Variants in DIS3L2 observed in about 807,000 individuals in gnomAD.
DIS3L2 encodes DIS3-like exonuclease 2.
DIS3L2 carries 34 observed loss-of-function variants against 97.5 expected under a neutral mutation model. The ratio of observed to expected loss-of-function variants is 0.35; its 90% CI spans 0.27 to 0.46. The LOEUF (loss-of-function observed/expected upper bound fraction) is 0.46, where lower values mean the gene tolerates loss of function less well. Ranked by LOEUF, DIS3L2 falls within the 20% of genes least tolerant of loss-of-function variation. The pLI, the probability that DIS3L2 is intolerant of heterozygous loss-of-function variation, is 1.00. For missense variants in DIS3L2, 1,038 were observed against 1,146.0 expected, an observed-to-expected ratio of 0.91 and a Z score of 1.36; for synonymous variants, 435 against 445.2, an observed-to-expected ratio of 0.98 and a Z score of 0.29.
chr2:232,035,275 T>A (rs1162188607), intron 5 of DIS3L2, among the ~76,000 whole-genome samples: 1 of 152,252 alleles, frequency 6.6e-6, no homozygotes, highest in African/African-American at 2.4e-5. Context: ...TCTTTTTTGA[T>A]CTTTGTTGGT....
At chr2:231,985,403 A>G (rs761153274) in intron 1 of DIS3L2, among the ~76,000 whole-genome samples, 7 of 152,226 alleles carry the variant, frequency 4.6e-5, no homozygotes, top group Non-Finnish European at 7.3e-5. Flanking sequence ...TGGTGCATGT[A>G]TCAATAGTTT....
intron 16 of DIS3L2, among the ~76,000 whole-genome samples, chr2:232,333,103 T>G (rs1191796722): frequency 6.6e-6 from 1 of 151,292 alleles, no homozygotes; most frequent in Non-Finnish European, 1.5e-5. Context: ...CTCCTCTTCC[T>G]CCTCCTCATT....
chr2:232,341,001 A>G, downstream of DIS3L2: 1 of 461,008 alleles, frequency 2.2e-6, no homozygotes, highest in South Asian at 1.6e-5. Context: ...TCGTGAAACG[A>G]GAGGAGGTTG....
At chr2:232,145,904 T>TC (rs1047676110) in intron 8 of DIS3L2, among the ~76,000 whole-genome samples, 8 of 151,938 alleles carry the variant, frequency 5.3e-5, no homozygotes, top group Non-Finnish European at 1.0e-4. Context: ...TTATGGATGA[T>TC]CCCCCCCATC....
rs1373238273 is a variant in DIS3L2, at chr2:232,089,091, A to AT, written c.601+1371dup. On this transcript the variant is annotated intron_variant, in intron 6 of 20. Transcript: ENST00000325385. ...CCCCAGCGTAAAGAAAGCCGAAGGT[A>AT]TCTTCAGGACATGACTGGAGAAGGA... Among the ~76,000 whole-genome samples the AT allele has an allele frequency of 1.2e-4, 19 of 152,346 alleles. No homozygotes were observed. The East Asian group carries it at 2.9e-3, about 23-fold the overall frequency.
chr2:232,008,196 T>A (rs1478917955), intron 1 of DIS3L2, among the ~76,000 whole-genome samples: 1 of 151,184 alleles, frequency 6.6e-6, no homozygotes, highest in Non-Finnish European at 1.5e-5. Flanking sequence ...GTACTTTTTT[T>A]TTTTTTTTTT....
At chr2:232,339,628 G>T (rs983856420), downstream of DIS3L2, 1 of 437,772 alleles carries the variant, frequency 2.3e-6, no homozygotes, top group Non-Finnish European at 4.7e-6. Context: ...GCCACTGCAG[G>T]GTGTTCAGAG....
At chr2:232,003,547 CAT>C (rs1693965665) in intron 1 of DIS3L2, among the ~76,000 whole-genome samples, 1 of 152,182 alleles carries the variant, frequency 6.6e-6, no homozygotes, top group South Asian at 2.1e-4. Context: ...TGGTGCTTAA[CAT>C]TTATTCCTGA....
chr2:231,992,393 A>G lies in DIS3L2; in HGVS notation c.-93-22442A>G, dbSNP rs78376226. 8.9e-3 allele frequency among the ~76,000 whole-genome samples: 1,349 copies of G among 152,236 alleles called. 9 individuals are homozygous for G. Among genetic ancestry groups the G allele is most frequent in the Non-Finnish European group, 0.013 (887 of 67,998 alleles). ...CCCCAGCCTCCCCTCCTACCCTCAC[A>G]GAAGCTACCCATTGTCCTTGGCTCC... is the stretch of plus-strand genomic sequence containing the variant. On this transcript the variant is annotated intron_variant, in intron 1 of 20. Coordinates refer to ENST00000325385, the MANE Select transcript of DIS3L2 (RefSeq NM_152383.5).
At chr2:232,343,055 C>T in intron 13 of DIS3L2, 1 of 338,612 alleles carries the variant, frequency 3.0e-6, no homozygotes, top group Non-Finnish European at 5.5e-6. Flanking sequence ...TCCACAGCTG[C>T]ATCACACTGC....
intron 13 of DIS3L2, among the ~76,000 whole-genome samples, chr2:232,294,967 T>C (rs1052238419): frequency 8.5e-5 from 13 of 152,178 alleles, no homozygotes; most frequent in African/African-American, 3.1e-4. Context: ...ATTTCCTTCC[T>C]GTTCCCCCGT....
At chr2:232,238,470 C>A in intron 10 of DIS3L2, 63 bp from the exon 11 acceptor site, 1 of 1,385,058 alleles carries the variant, frequency 7.2e-7, no homozygotes, top group Non-Finnish European at 1.0e-6. Context: ...TAGGAAAGGA[C>A]TCCTGGGAGA....
At chr2:232,340,125 A>T (rs1696073346), downstream of DIS3L2, among the ~76,000 whole-genome samples, 1 of 152,220 alleles carries the variant, frequency 6.6e-6, no homozygotes. Context: ...CCCTCCTCCA[A>T]GTCCACAAAG....
intron 13 of DIS3L2, among the ~76,000 whole-genome samples, chr2:232,265,706 G>T (rs1055015325): frequency 1.3e-5 from 2 of 152,198 alleles, no homozygotes; most frequent in African/African-American, 4.8e-5. Context: ...CCTGGATAAG[G>T]ATAAGTCTTT....
intron 9 of DIS3L2, among the ~76,000 whole-genome samples, chr2:232,197,783 A>C (rs900693291): frequency 6.6e-6 from 1 of 152,050 alleles, no homozygotes; most frequent in Non-Finnish European, 1.5e-5. Flanking sequence ...CCTGGCCAAC[A>C]TGGTGAAACC....
At chr2:231,967,176 A>G (rs941701317) in intron 1 of DIS3L2, among the ~76,000 whole-genome samples, 2 of 152,178 alleles carry the variant, frequency 1.3e-5, no homozygotes, top group African/African-American at 4.8e-5. Flanking sequence ...CTGATGAAGT[A>G]CCCTGCCCTC....
chr2:231,981,598 TTATATATA>T (rs10669283), intron 1 of DIS3L2, among the ~76,000 whole-genome samples: 2,201 of 84,050 alleles, frequency 0.026, 75 homozygotes, highest in Middle Eastern at 0.062. Flanking sequence ...GTTAAGTATT[TTATATATA>T]TATATATATA....
intron 1 of DIS3L2, 24 bp downstream of exon 1, chr2:231,961,789 C>G (rs1017708793): frequency 2.0e-5 from 3 of 153,030 alleles, no homozygotes; most frequent in South Asian, 2.1e-4. Context: ...TCGCCTGCCC[C>G]CTGCACCGCC....
chr2:232,108,535 A>G (rs1395871158), intron 6 of DIS3L2, among the ~76,000 whole-genome samples: 4 of 152,206 alleles, frequency 2.6e-5, no homozygotes, highest in Non-Finnish European at 5.9e-5. Context: ...TCAACATAGT[A>G]TTGGAAGTTC....
Sources: allele counts gnomAD v4.1 joint callset (sites outside exome capture counted in the v4.1 genomes callset), GRCh38; gene constraint gnomAD v4.1.1; transcripts MANE v1.5; gene names NCBI Gene and HGNC (gene_info 2026-07-23, HGNC 2026-07-21).